Variants in HCFC2 observed in about 807,000 individuals in gnomAD.
HCFC2 encodes the protein host cell factor 2.
In HCFC2, 18 loss-of-function variants were observed where a neutral mutation model predicts 89.2. That is an observed-to-expected ratio of 0.20 (90% CI 0.14 to 0.30). HCFC2 has a LOEUF of 0.30. HCFC2 is among the 10% of genes least tolerant of loss of function. HCFC2 has a pLI of 1.00. For missense variants in HCFC2, 578 were observed against 956.1 expected, an observed-to-expected ratio of 0.60 and a Z score of 5.21; for synonymous variants, 308 against 335.7, an observed-to-expected ratio of 0.92 and a Z score of 0.90.
At chr12:104,102,319 T>G (rs992957973) in intron 14 of HCFC2, among the ~76,000 whole-genome samples, 166 bp downstream of exon 14, 12 of 152,250 alleles carry the variant, frequency 7.9e-5, no homozygotes, top group African/African-American at 2.9e-4. Context: ...CATTCATTTT[T>G]TTTAACTTTT....
chr12:104,065,835 A>G (rs1280405519), intron 1 of HCFC2, among the ~76,000 whole-genome samples: 1 of 152,234 alleles, frequency 6.6e-6, no homozygotes, highest in Non-Finnish European at 1.5e-5. Flanking sequence ...GGCGTTTTGT[A>G]AGAATTAAAT....
intron 3 of HCFC2, among the ~76,000 whole-genome samples, chr12:104,069,525 T>TAA (rs376922435): frequency 7.8e-5 from 11 of 140,454 alleles, no homozygotes; most frequent in African/African-American, 2.1e-4. Context: ...CCTTTTTTGT[T>TAA]AAAAAAAAAA....
intron 13 of HCFC2, among the ~76,000 whole-genome samples, chr12:104,099,286 C>T (rs542381213): frequency 2.0e-5 from 3 of 152,260 alleles, no homozygotes; most frequent in South Asian, 2.1e-4. Context: ...TCTGCCCCTA[C>T]GATCCAATCA....
intron 10 of HCFC2, among the ~76,000 whole-genome samples, chr12:104,094,709 C>T (rs1884125049): frequency 6.6e-6 from 1 of 152,048 alleles, no homozygotes; most frequent in Non-Finnish European, 1.5e-5. Context: ...ATAAACTGTT[C>T]TAAAGGGAAT....
In HCFC2 at chr12:104,095,819, A is replaced by G. The variant is rs1337683848; in HGVS notation, c.1666+256A>G. Among the ~76,000 whole-genome samples, 2 of 152,086 alleles carry G rather than the reference A, an allele frequency of 1.3e-5. No homozygotes were observed. The highest frequency in any genetic ancestry group is 2.9e-5 in the Non-Finnish European group (2 of 67,990). On this transcript the variant is annotated intron_variant, in intron 11 of 14. Coordinates refer to ENST00000229330, the MANE Select transcript of HCFC2 (RefSeq NM_013320.3). This position sits in a 1 kb window ranked among gnomAD's most constrained non-coding sequence, Gnocchi z 4.2. The stretch of plus-strand genomic sequence containing the variant: ...CATATATTTACCTTTATCAGCTTTC[A>G]TCTTTCCAGAATGTAATGTAAACAG...
At position 104,103,436 on chromosome 12, in the gene HCFC2, T is replaced by G; in HGVS notation, c.*163T>G. 1 of 612,526 alleles carries G rather than the reference T, an allele frequency of 1.6e-6. No homozygotes were observed. The highest frequency in any genetic ancestry group is 2.8e-6 in the Non-Finnish European group (1 of 362,666). The allele number at this position is 612,526 out of a possible 1,614,324, so 37.9% of individuals were successfully genotyped here. Reference sequence around the variant, plus strand: ...GTATTTGCTGAATTATAGATCCAAATAAAAGAAAAGAAGCAAAGACTCTCT... The same window carrying G: ...GTATTTGCTGAATTATAGATCCAAAGAAAAGAAAAGAAGCAAAGACTCTCT... On this transcript the variant is annotated 3_prime_UTR_variant, in exon 15 of 15. Coordinates refer to ENST00000229330, the MANE Select transcript of HCFC2 (RefSeq NM_013320.3).
chr12:104,104,835 A>T lies in HCFC2; in HGVS notation c.*1562A>T, dbSNP rs1264545153. 1 of 152,044 alleles carries T rather than the reference A, an allele frequency of 6.6e-6. No individual in the cohort carries two copies. The highest frequency in any genetic ancestry group is 6.5e-5 in the Admixed American group (1 of 15,274). 9.4% of individuals were successfully genotyped at this position (152,044 alleles called of 1,614,324 possible). On this transcript the variant is annotated 3_prime_UTR_variant, in exon 15 of 15. Coordinates refer to ENST00000229330, the MANE Select transcript of HCFC2 (RefSeq NM_013320.3). ...TTTCCAAACTCTAAAGATAAAATAAATGCACTACTATGGTGTTGTTAGAAT... is the reference window on the plus strand; with the variant it reads ...TTTCCAAACTCTAAAGATAAAATAATTGCACTACTATGGTGTTGTTAGAAT...
chr12:104,065,991 G>A (rs1883116745), intron 1 of HCFC2, among the ~76,000 whole-genome samples, 176 bp from the exon 2 acceptor site: 1 of 152,042 alleles, frequency 6.6e-6, no homozygotes, highest in East Asian at 1.9e-4. Context: ...CTAGATGCCA[G>A]TAACAGCCCC....
rs1421708540 is a variant in HCFC2 at position 104,082,879 on chromosome 12, G to A, written c.1041G>A (p.Lys347=). The change falls in exon 7 of 15, where the codon AAG becomes AAA. Residue 347 remains lysine (K), a synonymous_variant. Transcript: ENST00000229330. ...KKALNSQVCC[K]DLWYLDTEKP... ...CACTGAATAGTCAAGTTTGCTGCAA[G>A]GATCTTTGGTATCTTGATACTGGTA... The A allele has an allele frequency of 2.5e-6, 4 of 1,603,130 alleles. No homozygotes were observed. The East Asian group carries it at 9.0e-5, about 36-fold the overall frequency.
intron 3 of HCFC2, among the ~76,000 whole-genome samples, chr12:104,074,446 C>T (rs554964631): frequency 1.2e-4 from 18 of 152,354 alleles, no homozygotes; most frequent in Middle Eastern, 6.8e-3. Context: ...AGGCGTGAGC[C>T]GCCATGCCTG....
Position 104,096,363 on chromosome 12 carries a change from A to T in HCFC2, c.1670A>T (p.Asp557Val), listed in dbSNP as rs74623462. The T allele has an allele frequency of 1.3e-6, 2 of 1,587,600 alleles. No individual in the cohort carries two copies. The highest frequency in any genetic ancestry group is 2.3e-5 in the South Asian group (2 of 85,712). Reference protein sequence around the residue: ...LTTFSTKSEVDETYALPATKI... With the variant: ...LTTFSTKSEVVETYALPATKI... ...TGATAAATTGTTTAATTTTTAGTTG[A>T]TGAAACATATGCACTGCCTGCAACG... is the stretch of plus-strand genomic sequence containing the variant. Residue 557 changes from aspartate to valine, a missense_variant, in exon 12 of 15, where the codon GAT (aspartate) becomes GTT (valine). Around this residue, in one of 4 missense-constraint regions of HCFC2, gnomAD observed 210 missense variants for 251.7 expected, o/e 0.83. Coordinates refer to ENST00000229330, the MANE Select transcript of HCFC2 (RefSeq NM_013320.3).
At chr12:104,089,754 G>A (rs1352022755) in intron 9 of HCFC2, among the ~76,000 whole-genome samples, 1 of 152,192 alleles carries the variant, frequency 6.6e-6, no homozygotes, top group Admixed American at 6.5e-5. Flanking sequence ...GAGCCATGTA[G>A]TGTGCTATGA....
At position 104,095,500 on chromosome 12, in the gene HCFC2, A is replaced by G. The variant is rs1309739535; in HGVS notation, c.1603A>G (p.Ser535Gly). 1.9e-6 allele frequency: 3 copies of G among 1,613,676 alleles called. No homozygotes were observed. Among genetic ancestry groups the G allele is most frequent in the African/African-American group, 2.7e-5 (2 of 74,918 alleles). Residue 535 changes from serine (S) to glycine (G), a missense_variant, in exon 11 of 15, where the codon AGT becomes GGT. Physicochemically the swap from Ser to Gly is moderately conservative, Grantham distance 56 (BLOSUM62 0). Coordinates refer to ENST00000229330, the MANE Select transcript of HCFC2 (RefSeq NM_013320.3). This position sits in a 1 kb window ranked among gnomAD's most constrained non-coding sequence, Gnocchi z 4.2. ...GCAGACCATTAAAACTGAATCATCC[A>G]GTACAAATGGGGCAGTTGTTAAAGA... ...TQQTIKTESS[S>G]TNGAVVKDET...
intron 13 of HCFC2, among the ~76,000 whole-genome samples, chr12:104,099,676 GTTTA>G (rs920469054): frequency 1.1e-4 from 17 of 151,656 alleles, no homozygotes; most frequent in Middle Eastern, 3.4e-3. Flanking sequence ...TTGTTTGTTT[GTTTA>G]TTTGAGACAG....
chr12:104,104,105 C>T lies in HCFC2; in HGVS notation c.*832C>T, dbSNP rs1290126393. On this transcript the variant is annotated 3_prime_UTR_variant, in exon 15 of 15. Coordinates refer to ENST00000229330, the MANE Select transcript of HCFC2 (RefSeq NM_013320.3). ...TGAACATTTTCATCTGTCTTAATGG[C>T]TCTAATTTTGCTTTTGCTAAAATTA... 6.6e-6 allele frequency: 1 copy of T among 152,022 alleles called. No homozygotes were observed. Among genetic ancestry groups the T allele is most frequent in the East Asian group, 1.9e-4 (1 of 5,178 alleles). The allele number at this position is 152,022 out of a possible 1,614,324, so 9.4% of individuals were successfully genotyped here.
At chr12:104,075,737 C>T (rs1394544476) in intron 3 of HCFC2, among the ~76,000 whole-genome samples, 2 of 152,150 alleles carry the variant, frequency 1.3e-5, no homozygotes, top group African/African-American at 2.4e-5. Context: ...TGGGATTACC[C>T]GCTTGAGCCA....
chr12:104,086,185 A>G (rs1883837124), intron 7 of HCFC2, among the ~76,000 whole-genome samples: 4 of 152,016 alleles, frequency 2.6e-5, no homozygotes, highest in Admixed American at 2.6e-4. Context: ...TTTAGTAGAG[A>G]TGGGGTTTCA....
At position 104,104,626 on chromosome 12, in the gene HCFC2, T is replaced by C. The variant is rs2030039683; in HGVS notation, c.*1353T>C. The stretch of plus-strand genomic sequence containing the variant: ...ATGATACCCCCCAGCAAAGATGGAT[T>C]TAATTGTGCAGAATTGATATATATG... On this transcript the variant is annotated 3_prime_UTR_variant, in exon 15 of 15. Transcript: ENST00000229330. 6.6e-6 allele frequency: 1 copy of C among 152,014 alleles called. No homozygotes were observed. Among genetic ancestry groups the C allele is most frequent in the African/African-American group, 2.4e-5 (1 of 41,452 alleles). 9.4% of individuals were successfully genotyped at this position (152,014 alleles called of 1,614,324 possible). A position where few individuals can be genotyped will look rare whatever the true frequency, so the allele number is the denominator to read the frequency against.
rs1050565135 is a variant in HCFC2 at position 104,086,921 on chromosome 12, G to A, written c.1138G>A (p.Val380Met). ...TNSFHVKWDE[V>M]STVEGYLLQL... Reference sequence around the variant, plus strand: ...CTCCTTTCATGTCAAGTGGGATGAAGTGTCTACAGTTGAGGGCTATCTTTT... The same window carrying A: ...CTCCTTTCATGTCAAGTGGGATGAAATGTCTACAGTTGAGGGCTATCTTTT... The change falls in exon 8 of 15, where the codon GTG (valine) becomes ATG (methionine). Residue 380 changes from valine to methionine, a missense_variant. By Grantham distance (21) the Val-to-Met change is conservative. This residue lies in a region of HCFC2 where 210 missense variants were observed against 251.7 expected (regional missense o/e 0.83). Coordinates refer to ENST00000229330, the MANE Select transcript of HCFC2 (RefSeq NM_013320.3). 2.5e-6 allele frequency: 4 copies of A among 1,614,000 alleles called. No homozygotes were observed. The highest frequency in any genetic ancestry group is 1.1e-5 in the South Asian group (1 of 91,076).
Sources: allele counts gnomAD v4.1 joint callset (sites outside exome capture counted in the v4.1 genomes callset), GRCh38; gene constraint gnomAD v4.1.1; regional missense constraint gnomAD v4.1.1; non-coding constraint Gnocchi (gnomAD v3.1); transcripts MANE v1.5; gene names NCBI Gene and HGNC (gene_info 2026-07-23, HGNC 2026-07-21).